ADARB2: variants seen among roughly 807,000 people sequenced by gnomAD.
ADARB2 encodes the protein adenosine deaminase RNA specific B2 (inactive).
In ADARB2, 25 loss-of-function variants were observed where a neutral mutation model predicts 62.2. The observed-to-expected ratio is 0.40, with a 90% confidence interval of 0.29 to 0.56. The LOEUF is 0.56. Ranked by LOEUF, ADARB2 falls within the 20% of genes least tolerant of loss-of-function variation. The pLI, the probability that ADARB2 is intolerant of heterozygous loss-of-function variation, is 0.43. For missense variants in ADARB2, 1,071 were observed against 1,077.4 expected (o/e 0.99, Z 0.08); for synonymous variants, 572 against 500.8 (o/e 1.14, Z -1.90).
intron 1 of ADARB2, among the ~76,000 whole-genome samples, chr10:1,637,383 C>T (rs1023662563): frequency 1.3e-5 from 2 of 152,132 alleles, no homozygotes; most frequent in Non-Finnish European, 2.9e-5. Flanking sequence ...ATAGCAATCC[C>T]CAAATCTTGA....
At chr10:1,522,048 C>T (rs1832080351) in intron 1 of ADARB2, among the ~76,000 whole-genome samples, 1 of 152,160 alleles carries the variant, frequency 6.6e-6, no homozygotes, top group Non-Finnish European at 1.5e-5. Flanking sequence ...TTAAACATGT[C>T]TACTCCACAA....
chr10:1,184,478 T>G (rs532527536), intron 9 of ADARB2, among the ~76,000 whole-genome samples: 1 of 152,224 alleles, frequency 6.6e-6, no homozygotes, highest in East Asian at 1.9e-4. Context: ...TTTGGGGAAA[T>G]TACACAATTT....
chr10:1,614,109 C>T (rs1833602424), intron 1 of ADARB2, among the ~76,000 whole-genome samples: 1 of 152,102 alleles, frequency 6.6e-6, no homozygotes, highest in Non-Finnish European at 1.5e-5. Flanking sequence ...CTGAAAACCA[C>T]CGAGGCTGTT....
chr10:1,284,501 G>A (rs2131806830), intron 3 of ADARB2, among the ~76,000 whole-genome samples: 1 of 152,354 alleles, frequency 6.6e-6, no homozygotes, highest in South Asian at 2.1e-4. Context: ...AGCACGGGTA[G>A]CACCCTGCGA....
chr10:1,241,408 C>G (rs11599423), intron 5 of ADARB2, among the ~76,000 whole-genome samples: 1 of 152,186 alleles, frequency 6.6e-6, no homozygotes, highest in East Asian at 1.9e-4. Context: ...GGTCCCATTA[C>G]TCGTAGATTT....
Position 1,363,058 on chromosome 10 carries a change from G to T in ADARB2, c.1047C>A (p.Pro349=). 1.4e-6 allele frequency: 2 copies of T among 1,442,436 alleles called. No homozygotes were observed. Among genetic ancestry groups the T allele is most frequent in the East Asian group, 2.8e-5 (1 of 36,332 alleles). 89.4% of individuals were successfully genotyped at this position (1,442,436 alleles called of 1,614,324 possible). A position where few individuals can be genotyped will look rare whatever the true frequency, so the allele number is the denominator to read the frequency against. Residue 349 remains proline (P), a synonymous_variant, in exon 3 of 10, where the codon CCC becomes CCA. Coordinates refer to ENST00000381312, the MANE Select transcript of ADARB2 (RefSeq NM_018702.4). ...GCATTGGCGTCCTCCTGGCCCTGCC[G>T]GGCGCGTGGCCGGGCATCTGGATGT... ...LFDIQMPGHA[P]GRARRTPMPQ...
chr10:1,528,215 C>A (rs954399706), intron 1 of ADARB2, among the ~76,000 whole-genome samples: 2 of 152,220 alleles, frequency 1.3e-5, no homozygotes, highest in African/African-American at 4.8e-5. Context: ...TGCGATACAG[C>A]AGCTCCGCGC....
At chr10:1,614,276 T>C (rs1833604345) in intron 1 of ADARB2, among the ~76,000 whole-genome samples, 1 of 152,232 alleles carries the variant, frequency 6.6e-6, no homozygotes, top group Admixed American at 6.5e-5. Context: ...TTATTACAGC[T>C]TTAAAAAGCA....
At chr10:1,706,939 G>GGGTTTCATTGGGCAGGAAGTA (rs1564200524) in intron 1 of ADARB2, among the ~76,000 whole-genome samples, 2 of 17,204 alleles carry the variant, frequency 1.2e-4, no homozygotes, top group African/African-American at 2.0e-4. Context: ...GGCAGGAAGT[G>GGGTTTCATTGGGCAGGAAGTA]GGATTTTCTT....
chr10:1,533,468 G>C (rs1375878502), intron 1 of ADARB2, among the ~76,000 whole-genome samples: 3 of 151,944 alleles, frequency 2.0e-5, no homozygotes, highest in Admixed American at 6.6e-5. Context: ...AATCCTGAGA[G>C]GTGTGACCCT....
intron 1 of ADARB2, among the ~76,000 whole-genome samples, chr10:1,646,205 G>GA (rs1018399517): frequency 2.6e-5 from 4 of 152,224 alleles, no homozygotes; most frequent in African/African-American, 9.6e-5. Context: ...CAAGTGCTCT[G>GA]AAAACGATGT....
intron 1 of ADARB2, among the ~76,000 whole-genome samples, chr10:1,515,922 T>G (rs1832003012): frequency 6.6e-6 from 1 of 152,222 alleles, no homozygotes; most frequent in Admixed American, 6.5e-5. Context: ...CTCTCCAAAT[T>G]CTTGCTGTCT....
chr10:1,351,100 A>G (rs1225413748), intron 3 of ADARB2, among the ~76,000 whole-genome samples: 1 of 152,118 alleles, frequency 6.6e-6, no homozygotes, highest in Non-Finnish European at 1.5e-5. Context: ...CCATCTGTGC[A>G]GGACCCCACT....
At chr10:1,706,454 GA>G (rs1387574111) in intron 1 of ADARB2, among the ~76,000 whole-genome samples, 2 of 152,226 alleles carry the variant, frequency 1.3e-5, no homozygotes, top group African/African-American at 4.8e-5. Flanking sequence ...CCAGAAGCCA[GA>G]AGGCCAGCCA....
intron 1 of ADARB2, among the ~76,000 whole-genome samples, chr10:1,696,520 T>G (rs1243342847): frequency 6.6e-6 from 1 of 152,208 alleles, no homozygotes; most frequent in Non-Finnish European, 1.5e-5. Flanking sequence ...TTCCTAACAT[T>G]GTGATTAAAG....
rs536746025 is a variant in ADARB2 at position 1,349,776 on chromosome 10, G to T, written c.1077+13252C>A. 2.4e-3 allele frequency among the ~76,000 whole-genome samples: 360 copies of T among 152,210 alleles called. 1 individual carries two copies. The highest frequency in any genetic ancestry group is 3.7e-3 in the Non-Finnish European group (254 of 68,010). ...GGACTTGGGAAGGCAGCCTTCCCTT[G>T]GTGTTTAATCATTTATGGGGACGCC... is the stretch of plus-strand genomic sequence containing the variant. On this transcript the variant is annotated intron_variant, in intron 3 of 9. Transcript: ENST00000381312.
intron 1 of ADARB2, among the ~76,000 whole-genome samples, chr10:1,679,364 C>T (rs1834507481): frequency 6.6e-6 from 1 of 152,142 alleles, no homozygotes; most frequent in African/African-American, 2.4e-5. Context: ...GCCAAGGAGT[C>T]TCTATTTCCC....
At chr10:1,404,476 G>A (rs529118880) in intron 1 of ADARB2, among the ~76,000 whole-genome samples, 1 of 152,190 alleles carries the variant, frequency 6.6e-6, no homozygotes, top group Non-Finnish European at 1.5e-5. Context: ...TGATGAGTGC[G>A]CAAGAACCAG....
At chr10:1,573,364 T>C (rs1214299518) in intron 1 of ADARB2, among the ~76,000 whole-genome samples, 1 of 152,128 alleles carries the variant, frequency 6.6e-6, no homozygotes, top group Non-Finnish European at 1.5e-5. Flanking sequence ...CTGCCTGGGA[T>C]AAAAGGGCCT....
Sources: gnomAD v4.1 joint callset for allele counts (sites outside exome capture counted in the v4.1 genomes callset) on GRCh38, gnomAD v4.1.1 for gene constraint, MANE v1.5 for transcripts, NCBI Gene and HGNC (gene_info 2026-07-23, HGNC 2026-07-21) for gene names.